DIP2B: variants seen among roughly 807,000 people sequenced by gnomAD.
DIP2B encodes DIP2 acetate--CoA ligase B (putative).
In DIP2B, 76 loss-of-function variants were observed where a neutral mutation model predicts 198.0. That is an observed-to-expected ratio of 0.38 (90% confidence interval 0.32 to 0.46). The LOEUF is 0.46. Among genes scored for constraint, DIP2B ranks in the 20% least tolerant of loss-of-function variants. The pLI is 0.99. For synonymous variants in DIP2B, 701 were observed against 739.1 expected (o/e 0.95, Z 0.84); for missense variants, 1,559 against 1,978.4 (o/e 0.79, Z 4.02).
intron 1 of DIP2B, among the ~76,000 whole-genome samples, chr12:50,535,972 G>A (rs1287573322): frequency 6.7e-6 from 1 of 150,230 alleles, no homozygotes; most frequent in Non-Finnish European, 1.5e-5. Context: ...TCTTGCGATA[G>A]TTTACTGAGA....
At chr12:50,620,949 G>A (rs914284047) in intron 1 of DIP2B, among the ~76,000 whole-genome samples, 9 of 152,182 alleles carry the variant, frequency 5.9e-5, no homozygotes, top group African/African-American at 2.2e-4. Context: ...CTGGCTTTAG[G>A]ACTCATTGGA....
intron 2 of DIP2B, among the ~76,000 whole-genome samples, chr12:50,635,606 C>T (rs1471794245): frequency 6.6e-6 from 1 of 152,166 alleles, no homozygotes; most frequent in African/African-American, 2.4e-5. Flanking sequence ...AGGTTCAGTC[C>T]TGCCTTTGAA....
At chr12:50,569,031 G>T (rs1041084996) in intron 1 of DIP2B, among the ~76,000 whole-genome samples, 1 of 148,822 alleles carries the variant, frequency 6.7e-6, no homozygotes. Context: ...TTCCAGATTT[G>T]CATGGTGAAT....
At chr12:50,510,771 G>A (rs1285514264) in intron 1 of DIP2B, among the ~76,000 whole-genome samples, 1 of 150,662 alleles carries the variant, frequency 6.6e-6, no homozygotes, top group African/African-American at 2.4e-5. Context: ...TCAGCCTCCT[G>A]AGTAGCTGGG....
rs906208872 is a variant in DIP2B, at chr12:50,695,701, T to C, written c.1814-147T>C. On this transcript the variant is annotated intron_variant, in intron 15 of 37. Coordinates refer to ENST00000301180, the MANE Select transcript of DIP2B (RefSeq NM_173602.3). ...AATGTGATAATTTCTGCCTCTGAGCTATTGGCACAATCTCTTTGAAACCGT... is the reference window on the plus strand; with the variant it reads ...AATGTGATAATTTCTGCCTCTGAGCCATTGGCACAATCTCTTTGAAACCGT... 5 of 1,119,614 alleles carry C rather than the reference T, an allele frequency of 4.5e-6. 1 individual carries two copies. The highest frequency in any genetic ancestry group is 2.6e-5 in the Admixed American group (1 of 38,682). 69.4% of individuals were successfully genotyped at this position (1,119,614 alleles called of 1,614,324 possible). A position where few individuals can be genotyped will look rare whatever the true frequency, so the allele number is the denominator to read the frequency against.
chr12:50,696,951 A>G (rs944394527), intron 16 of DIP2B, 110 bp from the exon 17 acceptor site: 39 of 761,582 alleles, frequency 5.1e-5, no homozygotes, highest in Admixed American at 2.3e-4. Context: ...ACAATATACA[A>G]TATGAGTTCT....
At chr12:50,702,078 G>A (rs958959533) in intron 19 of DIP2B, among the ~76,000 whole-genome samples, 1 of 152,070 alleles carries the variant, frequency 6.6e-6, no homozygotes, top group Non-Finnish European at 1.5e-5. Flanking sequence ...AGCTGGGCAC[G>A]ATGGCTCACA....
At position 50,691,105 on chromosome 12, in the gene DIP2B, G is replaced by A. The variant is rs767920954; in HGVS notation, c.1608G>A (p.Met536Ile). Reference sequence around the variant, plus strand: ...GAGTTACAGTATCCCGGCTTGCAATGTTGTCTCACTGCCAAGCTCTGTCGC... The same window carrying A: ...GAGTTACAGTATCCCGGCTTGCAATATTGTCTCACTGCCAAGCTCTGTCGC... Reference protein sequence around the residue: ...VMGVTVSRLAMLSHCQALSQA... With the variant: ...VMGVTVSRLAILSHCQALSQA... Residue 536 changes from methionine to isoleucine, a missense_variant, in exon 13 of 38, where the codon ATG becomes ATA. Physicochemically the swap from Met to Ile is conservative, Grantham distance 10. Transcript: ENST00000301180. The A allele has an allele frequency of 6.2e-6, 10 of 1,614,088 alleles. No homozygotes were observed. Among genetic ancestry groups the A allele is most frequent in the Non-Finnish European group, 8.5e-6 (10 of 1,180,008 alleles).
chr12:50,706,324 T>TC (rs1473841493), intron 20 of DIP2B, among the ~76,000 whole-genome samples: 1 of 152,190 alleles, frequency 6.6e-6, no homozygotes, highest in Non-Finnish European at 1.5e-5. Context: ...TTCTTAGGTA[T>TC]CCTGTGAGAC....
intron 12 of DIP2B, among the ~76,000 whole-genome samples, chr12:50,690,124 T>C (rs1939197767): frequency 6.6e-6 from 1 of 151,612 alleles, no homozygotes; most frequent in Admixed American, 6.6e-5. Context: ...TCTCGCTCTG[T>C]TGCCCAGGCT....
At chr12:50,695,804 C>CA in intron 15 of DIP2B, 44 bp from the exon 16 acceptor site, 1 of 1,608,382 alleles carries the variant, frequency 6.2e-7, no homozygotes. Context: ...ACATATGTCC[C>CA]AAATTTATTG....
intron 1 of DIP2B, among the ~76,000 whole-genome samples, chr12:50,536,523 C>T (rs1958268874): frequency 6.6e-6 from 1 of 151,702 alleles, no homozygotes; most frequent in South Asian, 2.1e-4. Context: ...TCAAAAGTTA[C>T]ATGTTGAATA....
intron 12 of DIP2B, among the ~76,000 whole-genome samples, chr12:50,687,225 G>A (rs1051022552): frequency 6.6e-6 from 1 of 152,206 alleles, no homozygotes. Flanking sequence ...ATTTTCTCAT[G>A]TAGTCCTCAC....
chr12:50,592,300 G>A (rs1958826564), intron 1 of DIP2B, among the ~76,000 whole-genome samples: 1 of 152,052 alleles, frequency 6.6e-6, no homozygotes, highest in African/African-American at 2.4e-5. Flanking sequence ...TCAGCCTCCT[G>A]AGTAGCTGGA....
intron 1 of DIP2B, among the ~76,000 whole-genome samples, chr12:50,602,345 T>G (rs1427370119): frequency 1.3e-5 from 2 of 152,272 alleles, no homozygotes; most frequent in East Asian, 3.9e-4. Context: ...CTTGGCTCAC[T>G]GCAGTCTCTG....
intron 10 of DIP2B, among the ~76,000 whole-genome samples, chr12:50,684,788 A>C (rs1440978831): frequency 6.6e-6 from 1 of 151,686 alleles, no homozygotes; most frequent in African/African-American, 2.4e-5. Context: ...ATCTTGTCTC[A>C]AAAAAATAAA....
At chr12:50,569,987 A>C (rs1958599139) in intron 1 of DIP2B, among the ~76,000 whole-genome samples, 1 of 152,198 alleles carries the variant, frequency 6.6e-6, no homozygotes, top group South Asian at 2.1e-4. Context: ...TAAACTCAGA[A>C]ATCTTTTGCA....
chr12:50,578,123 T>C (rs923209939), intron 1 of DIP2B, among the ~76,000 whole-genome samples: 1 of 152,178 alleles, frequency 6.6e-6, no homozygotes. Flanking sequence ...GTGATTCTCA[T>C]GCCTCAGCCT....
intron 4 of DIP2B, among the ~76,000 whole-genome samples, 198 bp downstream of exon 4, chr12:50,660,517 A>G (rs1938626759): frequency 6.6e-6 from 1 of 152,234 alleles, no homozygotes; most frequent in African/African-American, 2.4e-5. Context: ...GAGTAAAACT[A>G]TTCAAAACTA....
Sources: allele counts gnomAD v4.1 joint callset (sites outside exome capture counted in the v4.1 genomes callset), GRCh38; gene constraint gnomAD v4.1.1; transcripts MANE v1.5; gene names NCBI Gene and HGNC (gene_info 2026-07-23, HGNC 2026-07-21).